Variants in PRRC2B observed in about 807,000 individuals in gnomAD.
The protein encoded by PRRC2B is protein PRRC2B.
PRRC2B carries 68 observed loss-of-function variants against 242.3 expected under a neutral mutation model. The observed-to-expected ratio is 0.28, with a 90% CI of 0.23 to 0.34. The LOEUF is 0.34. Ranked by LOEUF, PRRC2B falls within the 10% of genes least tolerant of loss-of-function variation. PRRC2B has a pLI of 1.00. For synonymous variants in PRRC2B, 1,228 were observed against 1,173.6 expected, an observed-to-expected ratio of 1.05 and a Z score of -0.95; for missense variants, 2,835 against 2,954.8, an observed-to-expected ratio of 0.96 and a Z score of 0.94.
intron 1 of PRRC2B, among the ~76,000 whole-genome samples, chr9:131,385,843 A>C (rs201542490): frequency 1.3e-5 from 2 of 149,732 alleles, no homozygotes. Context: ...ACAGGCGCCC[A>C]CCACCACGCC....
Position 131,414,889 on chromosome 9 carries a change from G to A in PRRC2B, c.-51-15205G>A, listed in dbSNP as rs972526103. On this transcript the variant is annotated intron_variant, in intron 1 of 31. Transcript: ENST00000683519. The stretch of plus-strand genomic sequence containing the variant: ...CTGGCTGCTATCTCGGGCTTCTGTT[G>A]GTCGTCATTCTGGGACTTGTTTTTG... 3.3e-5 allele frequency among the ~76,000 whole-genome samples: 5 copies of A among 151,836 alleles called. No individual in the cohort carries two copies. The South Asian group carries it at 8.3e-4, about 25-fold the overall frequency.
intron 2 of PRRC2B, 47 bp downstream of exon 2, chr9:131,430,306 A>C: frequency 8.2e-7 from 1 of 1,221,692 alleles, no homozygotes; most frequent in Non-Finnish European, 1.2e-6. Flanking sequence ...TCTCCGAGTG[A>C]CATATCCCAG....
Position 131,470,871 on chromosome 9 carries a change from C to G in PRRC2B, c.1995C>G (p.Pro665=). ...HPQRTFYPHH[P]QMLGFDPRWM... ...AGCGCACCTTTTACCCACACCACCC[C>G]CAGATGTTGGGCTTCGATCCCAGGT... The change falls in exon 14 of 32, where the codon CCC becomes CCG. Residue 665 remains proline (P), a synonymous_variant. Transcript: ENST00000683519. The G allele has an allele frequency of 6.2e-7, 1 of 1,609,510 alleles. No homozygotes were observed. Among genetic ancestry groups the G allele is most frequent in the Non-Finnish European group, 8.5e-7 (1 of 1,177,032 alleles).
chr9:131,429,167 G>T (rs1318193013), intron 1 of PRRC2B, among the ~76,000 whole-genome samples: 1 of 152,090 alleles, frequency 6.6e-6, no homozygotes, highest in East Asian at 1.9e-4. Flanking sequence ...GGCAGGTCTC[G>T]AACTCCTGAC....
chr9:131,396,823 T>A (rs1837074909), intron 1 of PRRC2B, among the ~76,000 whole-genome samples: 1 of 152,112 alleles, frequency 6.6e-6, no homozygotes, highest in Non-Finnish European at 1.5e-5. Flanking sequence ...GTGGAAGGAC[T>A]ATTGCTAAGA....
At chr9:131,453,821 T>G (rs1942994429) in intron 9 of PRRC2B, among the ~76,000 whole-genome samples, 1 of 152,204 alleles carries the variant, frequency 6.6e-6, no homozygotes, top group African/African-American at 2.4e-5. Context: ...CGTGAGCCAC[T>G]GTGAATTATA....
chr9:131,420,490 T>TCTTCTC (rs1837794590), intron 1 of PRRC2B, among the ~76,000 whole-genome samples: 1 of 20,978 alleles, frequency 4.8e-5, no homozygotes, highest in African/African-American at 1.3e-4. Context: ...TCTTTCTTTC[T>TCTTCTC]TTCTTTTTTT....
At chr9:131,473,228 C>T (rs1031834233) in intron 14 of PRRC2B, among the ~76,000 whole-genome samples, 3 of 152,152 alleles carry the variant, frequency 2.0e-5, no homozygotes, top group African/African-American at 7.2e-5. Flanking sequence ...GCTTCATCCC[C>T]TGTCCTGAGT....
chr9:131,417,477 C>T (rs1489689119), intron 1 of PRRC2B, among the ~76,000 whole-genome samples: 1 of 152,066 alleles, frequency 6.6e-6, no homozygotes, highest in African/African-American at 2.4e-5. Context: ...TCCCACCTTC[C>T]CCTTTCATGC....
Position 131,436,745 on chromosome 9 carries a change from A to G in PRRC2B, c.396+23A>G, listed in dbSNP as rs532504894. The G allele has an allele frequency of 9.5e-6, 15 of 1,583,174 alleles. No homozygotes were observed. The East Asian group carries it at 1.3e-4, about 14-fold the overall frequency. ...GAGGTAGGTGCTGGGACCCCATCCC[A>G]ACTGTTTCCTGGGCATGGTAGCCCC... On this transcript the variant is annotated intron_variant, in intron 4 of 31. Coordinates refer to ENST00000683519, the MANE Select transcript of PRRC2B (RefSeq NM_013318.4).
At chr9:131,390,183 G>A (rs1285280050), upstream of PRRC2B, among the ~76,000 whole-genome samples, 1 of 150,218 alleles carries the variant, frequency 6.7e-6, no homozygotes, top group African/African-American at 2.4e-5. Context: ...AAAGTGCTGG[G>A]ATTACAGGCG....
chr9:131,495,689 A>T (rs746755879), intron 31 of PRRC2B, 51 bp from the exon 32 acceptor site: 23 of 1,580,560 alleles, frequency 1.5e-5, no homozygotes, highest in Non-Finnish European at 2.0e-5. Context: ...ATGTATCCAA[A>T]CACGTTTCAG....
chr9:131,480,708 C>A (rs1943834447), intron 19 of PRRC2B, among the ~76,000 whole-genome samples: 1 of 151,944 alleles, frequency 6.6e-6, no homozygotes, highest in African/African-American at 2.4e-5. Context: ...GCCTCAGCCT[C>A]CTGAGTAGCT....
intron 1 of PRRC2B, among the ~76,000 whole-genome samples, chr9:131,426,006 C>T (rs1837965266): frequency 6.6e-6 from 1 of 150,648 alleles, no homozygotes; most frequent in Non-Finnish European, 1.5e-5. Context: ...GAGACTCCGT[C>T]TCAACAAAAA....
At chr9:131,460,232 G>C (rs979881781) in intron 11 of PRRC2B, among the ~76,000 whole-genome samples, 1 of 152,086 alleles carries the variant, frequency 6.6e-6, no homozygotes, top group African/African-American at 2.4e-5. Context: ...GCTTTTACCA[G>C]TTGTCCCATT....
At chr9:131,492,822 C>T (rs551612450) in intron 30 of PRRC2B, among the ~76,000 whole-genome samples, 25 of 152,304 alleles carry the variant, frequency 1.6e-4, no homozygotes, top group Middle Eastern at 6.8e-3. Context: ...GTGGCTCTGT[C>T]GGATGTTGGC....
chr9:131,409,566 C>T (rs939943330), intron 1 of PRRC2B, among the ~76,000 whole-genome samples: 3 of 152,164 alleles, frequency 2.0e-5, no homozygotes, highest in Non-Finnish European at 4.4e-5. Flanking sequence ...AAAGGTAACT[C>T]GCATGCATTT....
At chr9:131,377,501 T>C (rs1376460226) in intron 1 of PRRC2B, among the ~76,000 whole-genome samples, 1 of 152,012 alleles carries the variant, frequency 6.6e-6, no homozygotes, top group African/African-American at 2.4e-5. Context: ...ATTTTTCCTT[T>C]TTCTTTTGTG....
intron 5 of PRRC2B, among the ~76,000 whole-genome samples, chr9:131,439,630 G>T (rs1020359293): frequency 6.6e-6 from 1 of 152,158 alleles, no homozygotes; most frequent in Non-Finnish European, 1.5e-5. Context: ...AGCCTGCCAT[G>T]CCTAGGAGGT....
Sources: gnomAD v4.1 joint callset for allele counts (sites outside exome capture counted in the v4.1 genomes callset) on GRCh38, gnomAD v4.1.1 for gene constraint, MANE v1.5 for transcripts, NCBI Gene and HGNC (gene_info 2026-07-23, HGNC 2026-07-21) for gene names.